ATXN10: variants seen among roughly 807,000 people sequenced by gnomAD.
ATXN10 encodes the protein ataxin-10.
In ATXN10, 28 loss-of-function variants were observed where a neutral mutation model predicts 52.9. The ratio of observed to expected loss-of-function variants is 0.53; its 90% confidence interval spans 0.39 to 0.73. The LOEUF is 0.73. Among genes scored for constraint, ATXN10 ranks in the 30% least tolerant of loss-of-function variants. The probability of loss-of-function intolerance (pLI) is 0.00; values close to 1 mark genes in which losing one functional copy is unlikely to be tolerated. For missense variants in ATXN10, 565 were observed against 577.0 expected, an observed-to-expected ratio of 0.98 and a Z score of 0.21; for synonymous variants, 226 against 221.5, an observed-to-expected ratio of 1.02 and a Z score of -0.18.
chr22:45,738,701 C>G, intron 7 of ATXN10, 30 bp from the exon 8 acceptor site: 1 of 1,548,768 alleles, frequency 6.5e-7, no homozygotes, highest in Non-Finnish European at 8.9e-7. Flanking sequence ...TTAAAATATG[C>G]TAAAAAGTTA....
chr22:45,734,075 CT>C (rs962960661), intron 7 of ATXN10, among the ~76,000 whole-genome samples: 162 of 151,008 alleles, frequency 1.1e-3, no homozygotes, highest in African/African-American at 3.6e-3. Context: ...TTTCAGGTTG[CT>C]TTTTTTTTCT....
At chr22:45,753,633 C>G (rs552748264) in intron 9 of ATXN10, among the ~76,000 whole-genome samples, 1 of 151,966 alleles carries the variant, frequency 6.6e-6, no homozygotes, top group Admixed American at 6.6e-5. Flanking sequence ...TCTCGAACTC[C>G]TGACTTCAGG....
chr22:45,716,316 G>C (rs901072252), intron 5 of ATXN10, among the ~76,000 whole-genome samples: 1 of 150,402 alleles, frequency 6.6e-6, no homozygotes, highest in Non-Finnish European at 1.5e-5. Flanking sequence ...TTATTGCTTT[G>C]AGTGCTTCCT....
chr22:45,760,929 G>A (rs896525394), intron 9 of ATXN10, among the ~76,000 whole-genome samples: 9 of 152,166 alleles, frequency 5.9e-5, no homozygotes, highest in Non-Finnish European at 1.0e-4. Flanking sequence ...AGCAGTGGAG[G>A]CCTGGTTGGA....
chr22:45,794,694 A>G (rs1927646232), intron 9 of ATXN10, among the ~76,000 whole-genome samples: 1 of 152,208 alleles, frequency 6.6e-6, no homozygotes, highest in Admixed American at 6.6e-5. Context: ...ACTAAAGGAA[A>G]ACTGTTAATC....
chr22:45,672,083 C>T lies in ATXN10; in HGVS notation c.20C>T (p.Pro7Leu), dbSNP rs1922467117. The change falls in exon 1 of 12, where the codon CCG becomes CTG. Residue 7 changes from proline to leucine, a missense_variant. Pro to Leu is a moderately conservative substitution (Grantham distance 98). Transcript: ENST00000252934. MAAPRP[P>L]PARLSGVMVP... ...GGCAAGATGGCGGCGCCCAGGCCGC[C>T]GCCTGCCAGGCTGTCGGGCGTCATG... The T allele has an allele frequency of 3.9e-6, 6 of 1,537,916 alleles. No individual in the cohort carries two copies. The highest frequency in any genetic ancestry group is 1.4e-5 in the African/African-American group (1 of 72,980).
At position 45,805,629 on chromosome 22, in the gene ATXN10, G is replaced by C. The variant is rs1353358685; in HGVS notation, c.1174-1330G>C. On this transcript the variant is annotated intron_variant, in intron 9 of 11. Coordinates refer to ENST00000252934, the MANE Select transcript of ATXN10 (RefSeq NM_013236.4). This position sits in a 1 kb window ranked among gnomAD's most constrained non-coding sequence, Gnocchi z 4.4. ...GTTCAGATTTTCTGACTCCGTTATA[G>C]GAAATGTCCAGAATAGGCAAATCCA... Among the ~76,000 whole-genome samples, 1 of 152,174 alleles carries C rather than the reference G, an allele frequency of 6.6e-6. No individual in the cohort carries two copies. Among genetic ancestry groups the C allele is most frequent in the Admixed American group, 6.5e-5 (1 of 15,278 alleles).
At chr22:45,815,839 T>C (rs1039254402) in intron 10 of ATXN10, among the ~76,000 whole-genome samples, 5 of 152,162 alleles carry the variant, frequency 3.3e-5, no homozygotes, top group African/African-American at 1.2e-4. Flanking sequence ...AAAGGATGAA[T>C]GTCAGTGTTT....
chr22:45,747,106 G>A (rs1476880212), intron 9 of ATXN10, among the ~76,000 whole-genome samples: 2 of 152,096 alleles, frequency 1.3e-5, no homozygotes, highest in Non-Finnish European at 1.5e-5. Flanking sequence ...CTTTCTGGAT[G>A]ATAATGGCTT....
At position 45,772,742 on chromosome 22, in the gene ATXN10, A is replaced by G. The variant is rs1926819904; in HGVS notation, c.1173+32204A>G. On this transcript the variant is annotated intron_variant, in intron 9 of 11. Transcript: ENST00000252934. The surrounding 1 kb of genome is among the most constrained non-coding windows in gnomAD (Gnocchi z 4.1). ...TGATGTCTTTCATCAGTGTTTTCTCATTTTCAGCATGTAGATCCTGTGTAT... is the reference window on the plus strand; with the variant it reads ...TGATGTCTTTCATCAGTGTTTTCTCGTTTTCAGCATGTAGATCCTGTGTAT... Among the ~76,000 whole-genome samples, 1 of 152,052 alleles carries G rather than the reference A, an allele frequency of 6.6e-6. No homozygotes were observed. The highest frequency in any genetic ancestry group is 2.1e-4 in the South Asian group (1 of 4,826).
chr22:45,760,790 A>G (rs1263379775), intron 9 of ATXN10, among the ~76,000 whole-genome samples: 1 of 152,090 alleles, frequency 6.6e-6, no homozygotes, highest in Non-Finnish European at 1.5e-5. Context: ...TGAGAAAGAA[A>G]GAAACTTTCA....
rs555046922 is a variant in ATXN10 at position 45,793,790 on chromosome 22, A to C, written c.1174-13169A>C. On this transcript the variant is annotated intron_variant, in intron 9 of 11. Coordinates refer to ENST00000252934, the MANE Select transcript of ATXN10 (RefSeq NM_013236.4). ...GTGATGCAGGACAGGTAAGCCCCCA[A>C]ATTGGGACTTAGCCTGGGAAGGTTC... 42 of 1,321,938 alleles carry C rather than the reference A, an allele frequency of 3.2e-5. No individual in the cohort carries two copies. The African/African-American group carries it at 5.2e-4, about 16-fold the overall frequency. 81.9% of individuals were successfully genotyped at this position (1,321,938 alleles called of 1,614,324 possible). A position where few individuals can be genotyped will look rare whatever the true frequency, so the allele number is the denominator to read the frequency against.
chr22:45,805,653 C>T lies in ATXN10; in HGVS notation c.1174-1306C>T, dbSNP rs914106887. Among the ~76,000 whole-genome samples the T allele has an allele frequency of 6.6e-6, 1 of 152,104 alleles. No homozygotes were observed. Among genetic ancestry groups the T allele is most frequent in the Non-Finnish European group, 1.5e-5 (1 of 68,016 alleles). ...AGGAAATGTCCAGAATAGGCAAATC[C>T]AGAGAGACAGGAAGTAGAAGGATAG... On this transcript the variant is annotated intron_variant, in intron 9 of 11. Coordinates refer to ENST00000252934, the MANE Select transcript of ATXN10 (RefSeq NM_013236.4). This position sits in a 1 kb window ranked among gnomAD's most constrained non-coding sequence, Gnocchi z 4.4.
intron 10 of ATXN10, among the ~76,000 whole-genome samples, chr22:45,811,281 A>C (rs1928270582): frequency 6.6e-6 from 1 of 152,182 alleles, no homozygotes; most frequent in South Asian, 2.1e-4. Flanking sequence ...TTTTCTGCCT[A>C]ATATTAATAT....
At position 45,684,073 on chromosome 22, in the gene ATXN10, T is replaced by C. The variant is rs1256166095; in HGVS notation, c.117-5639T>C. 6.6e-6 allele frequency among the ~76,000 whole-genome samples: 1 copy of C among 151,980 alleles called. No individual in the cohort carries two copies. The highest frequency in any genetic ancestry group is 1.5e-5 in the Non-Finnish European group (1 of 68,016). On this transcript the variant is annotated intron_variant, in intron 1 of 11. Transcript: ENST00000252934. This position sits in a 1 kb window ranked among gnomAD's most constrained non-coding sequence, Gnocchi z 4.1. ...TTCAAGCAGTCCTTCTGCATCAGGC[T>C]CCCAAGTAGCTGGGACTACGAGGCA... is the stretch of plus-strand genomic sequence containing the variant.
intron 9 of ATXN10, among the ~76,000 whole-genome samples, chr22:45,782,142 T>A (rs1927170309): frequency 6.6e-6 from 1 of 152,240 alleles, no homozygotes. Flanking sequence ...CATGATCCTA[T>A]TAACCCATCA....
chr22:45,689,050 T>G (rs1221755772), intron 1 of ATXN10, among the ~76,000 whole-genome samples: 1 of 152,168 alleles, frequency 6.6e-6, no homozygotes, highest in Non-Finnish European at 1.5e-5. Flanking sequence ...ACATTCTTGG[T>G]GGAAGAACAG....
chr22:45,713,469 G>T (rs1924327846), intron 5 of ATXN10, among the ~76,000 whole-genome samples: 1 of 152,130 alleles, frequency 6.6e-6, no homozygotes, highest in South Asian at 2.1e-4. Context: ...AAACTGAGGA[G>T]TTCCTTAGGC....
intron 10 of ATXN10, among the ~76,000 whole-genome samples, chr22:45,808,216 A>G (rs1282961641): frequency 6.6e-6 from 1 of 152,140 alleles, no homozygotes; most frequent in East Asian, 1.9e-4. Context: ...TAGCCCCCCA[A>G]AAAGGAAAGA....
Sources: allele counts gnomAD v4.1 joint callset (sites outside exome capture counted in the v4.1 genomes callset), GRCh38; gene constraint gnomAD v4.1.1; non-coding constraint Gnocchi (gnomAD v3.1); transcripts MANE v1.5; gene names NCBI Gene and HGNC (gene_info 2026-07-23, HGNC 2026-07-21).